DYM: variants seen among roughly 807,000 people sequenced by gnomAD.
DYM encodes the protein dymeclin.
DYM carries 78 observed loss-of-function variants against 93.1 expected under a neutral mutation model. That is an observed-to-expected ratio of 0.84 (90% CI 0.70 to 1.01). The LOEUF is 1.01. Among genes scored for constraint, DYM ranks in the 50% least tolerant of loss-of-function variants. DYM has a pLI of 0.00. For missense variants in DYM, 789 were observed against 845.0 expected (o/e 0.93, Z 0.82); for synonymous variants, 321 against 319.7 (o/e 1.00, Z -0.04).
intron 15 of DYM, among the ~76,000 whole-genome samples, chr18:49,143,306 G>T (rs2084734289): frequency 6.6e-6 from 1 of 152,096 alleles, no homozygotes; most frequent in Non-Finnish European, 1.5e-5. Flanking sequence ...ATGCCACAGT[G>T]CAATGAAAAG....
chr18:49,459,856 A>G (rs532050413), intron 1 of DYM, among the ~76,000 whole-genome samples: 1 of 150,606 alleles, frequency 6.6e-6, no homozygotes, highest in East Asian at 2.0e-4. Context: ...GACTGAAAGT[A>G]GATCAATAGT....
intron 14 of DYM, among the ~76,000 whole-genome samples, chr18:49,177,017 C>T (rs894336609): frequency 6.6e-6 from 1 of 152,000 alleles, no homozygotes; most frequent in Non-Finnish European, 1.5e-5. Flanking sequence ...TTGTCTTTTT[C>T]GGTGACCCTT....
intron 14 of DYM, among the ~76,000 whole-genome samples, chr18:49,198,253 T>C (rs982296921): frequency 3.3e-5 from 5 of 152,156 alleles, no homozygotes; most frequent in African/African-American, 9.7e-5. Flanking sequence ...AAGACTTAGA[T>C]GTTAGACCTA....
intron 14 of DYM, among the ~76,000 whole-genome samples, chr18:49,202,279 G>C (rs566705301): frequency 1.7e-4 from 26 of 152,344 alleles, no homozygotes; most frequent in South Asian, 6.2e-4. Flanking sequence ...CAACACACAG[G>C]GGGTGGTGGA....
At chr18:49,390,521 T>C (rs193165647) in intron 3 of DYM, among the ~76,000 whole-genome samples, 1,771 of 152,218 alleles carry the variant, frequency 0.012, 52 homozygotes, top group South Asian at 0.076. Context: ...TTTTTAATGT[T>C]TTTTGAGACA....
intron 14 of DYM, among the ~76,000 whole-genome samples, chr18:49,175,627 C>T (rs535555994): frequency 1.5e-4 from 23 of 152,248 alleles, no homozygotes; most frequent in Admixed American, 6.5e-4. Context: ...TAACAAAACT[C>T]AGCACCACCA....
chr18:49,449,038 T>C (rs2082320938), intron 1 of DYM, among the ~76,000 whole-genome samples: 1 of 152,128 alleles, frequency 6.6e-6, no homozygotes, highest in Non-Finnish European at 1.5e-5. Context: ...CACCAGTTCT[T>C]CCACCTCCAC....
intron 13 of DYM, among the ~76,000 whole-genome samples, chr18:49,235,400 C>CA (rs1472278195): frequency 1.3e-5 from 2 of 152,100 alleles, no homozygotes; most frequent in Non-Finnish European, 2.9e-5. Context: ...ATAGCAATAT[C>CA]ATGATCAAAA....
At chr18:49,179,528 G>A (rs1369282846) in intron 14 of DYM, among the ~76,000 whole-genome samples, 2 of 152,094 alleles carry the variant, frequency 1.3e-5, no homozygotes, top group African/African-American at 4.8e-5. Flanking sequence ...CTTCAGGTCT[G>A]TCAAAACCAT....
chr18:49,350,726 GAAAAAAAAA>G (rs72289769), intron 6 of DYM, among the ~76,000 whole-genome samples: 2 of 119,930 alleles, frequency 1.7e-5, no homozygotes, highest in African/African-American at 6.0e-5. Flanking sequence ...GAAAAAAAAA[GAAAAAAAAA>G]AAAAAAACAA....
chr18:49,097,142 G>T, intron 17 of DYM: 1 of 529,310 alleles, frequency 1.9e-6, no homozygotes, highest in Non-Finnish European at 3.4e-6. Flanking sequence ...TGTTTCACTG[G>T]GTTAAAAAAA....
rs1053255546 is a variant in DYM, at chr18:49,347,501, G to A, written c.495-13648C>T. On this transcript the variant is annotated intron_variant, in intron 6 of 17. Transcript: ENST00000675505. ...AGCAGTATATGCTGCAGGAGTCGCC[G>A]ATTCGAAATGAAGAAAGTCAGGGCC... Among the ~76,000 whole-genome samples, 26 of 152,242 alleles carry A rather than the reference G, an allele frequency of 1.7e-4. No individual in the cohort carries two copies. In the East Asian group the frequency reaches 2.1e-3, roughly 12 times the overall value.
At chr18:49,120,397 C>T (rs897536664) in intron 15 of DYM, among the ~76,000 whole-genome samples, 6 of 152,240 alleles carry the variant, frequency 3.9e-5, no homozygotes, top group South Asian at 2.1e-4. Flanking sequence ...CCTACACAAA[C>T]GTAAGTCAAA....
intron 14 of DYM, among the ~76,000 whole-genome samples, chr18:49,192,095 A>ATTTTTTT (rs55967928): frequency 1.5e-5 from 1 of 68,290 alleles, no homozygotes; most frequent in African/African-American, 5.7e-5. Flanking sequence ...TGCCTGGCTA[A>ATTTTTTT]TTTTTTTTTT....
At chr18:49,361,229 C>T (rs1430353267) in intron 6 of DYM, among the ~76,000 whole-genome samples, 1 of 152,208 alleles carries the variant, frequency 6.6e-6, no homozygotes, top group East Asian at 1.9e-4. Flanking sequence ...GGCAATGACT[C>T]TTCAGCTGCC....
At chr18:49,425,695 C>A (rs1046423598) in intron 2 of DYM, among the ~76,000 whole-genome samples, 1 of 152,118 alleles carries the variant, frequency 6.6e-6, no homozygotes, top group African/African-American at 2.4e-5. Flanking sequence ...AACAAATTTA[C>A]AAGAAAAAAT....
At chr18:49,222,926 G>C (rs1318601348) in intron 13 of DYM, among the ~76,000 whole-genome samples, 2 of 152,110 alleles carry the variant, frequency 1.3e-5, no homozygotes, top group African/African-American at 4.8e-5. Flanking sequence ...GTGACATTTA[G>C]AATGAAAGGA....
intron 2 of DYM, among the ~76,000 whole-genome samples, chr18:49,399,930 T>G (rs1298764164): frequency 4.6e-5 from 6 of 131,354 alleles, no homozygotes; most frequent in African/African-American, 1.7e-4. Flanking sequence ...TTATTTTTAT[T>G]TTTCTTTTTT....
At chr18:49,211,074 G>A (rs568847316) in intron 13 of DYM, among the ~76,000 whole-genome samples, 5 of 152,258 alleles carry the variant, frequency 3.3e-5, no homozygotes, top group Admixed American at 6.5e-5. Context: ...AGAAAACTTA[G>A]AAATCCTTTG....
Sources: gnomAD v4.1 joint callset for allele counts (sites outside exome capture counted in the v4.1 genomes callset) on GRCh38, gnomAD v4.1.1 for gene constraint, MANE v1.5 for transcripts, NCBI Gene and HGNC (gene_info 2026-07-23, HGNC 2026-07-21) for gene names.